Variants in CKAP4 observed in about 807,000 individuals in gnomAD.
CKAP4 encodes cytoskeleton-associated protein 4.
In CKAP4, 20 loss-of-function variants were observed where a neutral mutation model predicts 24.4. The ratio of observed to expected loss-of-function variants is 0.82; its 90% CI spans 0.58 to 1.19. The LOEUF (loss-of-function observed/expected upper bound fraction) is 1.19, where lower values mean the gene tolerates loss of function less well. Ranked by LOEUF, CKAP4 falls within the 50% of genes most tolerant of loss-of-function variation. The pLI, the probability that CKAP4 is intolerant of heterozygous loss-of-function variation, is 0.00. For missense variants in CKAP4, 744 were observed against 765.3 expected, an observed-to-expected ratio of 0.97 and a Z score of 0.33; for synonymous variants, 378 against 351.7, an observed-to-expected ratio of 1.07 and a Z score of -0.84.
rs575354598 is a variant in CKAP4, at chr12:106,247,556, G to A, written c.296C>T (p.Ser99Phe). Reference protein sequence around the residue: ...AAAAAASSSASCSRRLGRALN... With the variant: ...AAAAAASSSAFCSRRLGRALN... ...CGCCCTGCCGAGCCTGCGCGAGCAG[G>A]ACGCCGAGGACGAGGCGGCGGCGGC... The change falls in exon 1 of 2, where the codon TCC (serine) becomes TTC (phenylalanine). Residue 99 changes from serine (S) to phenylalanine (F), a missense_variant. Transcript: ENST00000378026. This position sits in a 1 kb window ranked among gnomAD's most constrained non-coding sequence, Gnocchi z 4.5. 3 of 1,453,304 alleles carry A rather than the reference G, an allele frequency of 2.1e-6. No homozygotes were observed. Among genetic ancestry groups the A allele is most frequent in the South Asian group, 1.3e-5 (1 of 76,230 alleles). 90.0% of individuals were successfully genotyped at this position (1,453,304 alleles called of 1,614,324 possible).
chr12:106,239,854 C>T lies in CKAP4; in HGVS notation c.979G>A (p.Glu327Lys), dbSNP rs769777070. The T allele has an allele frequency of 8.1e-6, 13 of 1,613,976 alleles. No homozygotes were observed. The highest frequency in any genetic ancestry group is 6.6e-5 in the South Asian group (6 of 91,080). ...TGCTCCTGCTTGAGGCTCACCAGCT[C>T]GCGGACCTCGGTGTAGATGTCAGAC... is the stretch of plus-strand genomic sequence containing the variant. The part of the protein sequence containing the change: ...MESDIYTEVR[E>K]LVSLKQEQQA... Residue 327 changes from glutamate to lysine, a missense_variant, in exon 2 of 2, where the codon GAG becomes AAG. Transcript: ENST00000378026. The surrounding 1 kb of genome is among the most constrained non-coding windows in gnomAD (Gnocchi z 4.9).
chr12:106,241,331 CTTTTTT>C (rs34135868), intron 1 of CKAP4, among the ~76,000 whole-genome samples: 1 of 127,520 alleles, frequency 7.8e-6, no homozygotes. Context: ...GCCAGGGATT[CTTTTTT>C]TTTTTTTTTT....
At position 106,238,229 on chromosome 12, in the gene CKAP4, A is replaced by T. The variant is rs937205725; in HGVS notation, c.*795T>A. ...TATTCCACTGTAGACAGCTCTCCTC[A>T]CGAATTTTTTGAAAGAACCCAAGGA... On this transcript the variant is annotated 3_prime_UTR_variant, in exon 2 of 2. Coordinates refer to ENST00000378026, the MANE Select transcript of CKAP4 (RefSeq NM_006825.4). 6.6e-5 allele frequency: 10 copies of T among 152,398 alleles called. No individual in the cohort carries two copies. The highest frequency in any genetic ancestry group is 2.4e-4 in the African/African-American group (10 of 41,400). 9.4% of individuals were successfully genotyped at this position (152,398 alleles called of 1,614,324 possible).
chr12:106,238,963 C>T lies in CKAP4; in HGVS notation c.*61G>A. 1 of 1,568,472 alleles carries T rather than the reference C, an allele frequency of 6.4e-7. No homozygotes were observed. Among genetic ancestry groups the T allele is most frequent in the South Asian group, 1.2e-5 (1 of 84,212 alleles). On this transcript the variant is annotated 3_prime_UTR_variant, in exon 2 of 2. Transcript: ENST00000378026. ...GGGTAGGGGACACATGGGAAAAAAC[C>T]ACACATTTTTTGGTCATGAGAAATT...
At position 106,247,777 on chromosome 12, in the gene CKAP4, C is replaced by T; in HGVS notation, c.75G>A (p.Pro25=). Residue 25 remains proline, a synonymous_variant, in exon 1 of 2, where the codon CCG becomes CCA. Transcript: ENST00000378026. The surrounding 1 kb of genome is among the most constrained non-coding windows in gnomAD (Gnocchi z 4.5). Reference sequence around the variant, plus strand: ...TCGCCACGTCATCCGCGCCGCCCGACGGGTGGGCACCCTTCTCCGAGGGGC... The same window carrying T: ...TCGCCACGTCATCCGCGCCGCCCGATGGGTGGGCACCCTTCTCCGAGGGGC... ...AASPSEKGAH[P]SGGADDVAKK... 2 of 1,053,328 alleles carry T rather than the reference C, an allele frequency of 1.9e-6. No individual in the cohort carries two copies. The highest frequency in any genetic ancestry group is 2.3e-6 in the Non-Finnish European group (2 of 878,374). The allele number at this position is 1,053,328 out of a possible 1,614,324, so 65.2% of individuals were successfully genotyped here.
rs371266776 is a variant in CKAP4, at chr12:106,239,678, G to A, written c.1155C>T (p.His385=). 29 of 1,614,032 alleles carry A rather than the reference G, an allele frequency of 1.8e-5. No homozygotes were observed. Among genetic ancestry groups the A allele is most frequent in the Admixed American group, 1.0e-4 (6 of 60,008 alleles). The change falls in exon 2 of 2, where the codon CAC becomes CAT. Residue 385 remains histidine, a synonymous_variant. Coordinates refer to ENST00000378026, the MANE Select transcript of CKAP4 (RefSeq NM_006825.4). The surrounding 1 kb of genome is among the most constrained non-coding windows in gnomAD (Gnocchi z 4.9). ...TGAAGCCTCCGTCCTCCTTCGGCCC[G>A]TGGGAATCGGACTTCAGCTGGCGGA... ...EELRQLKSDS[H]GPKEDGGFRH...
intron 1 of CKAP4, among the ~76,000 whole-genome samples, chr12:106,241,259 G>C (rs1453581671): frequency 1.3e-5 from 2 of 151,728 alleles, no homozygotes; most frequent in African/African-American, 4.8e-5. Context: ...GGAAGGAAAG[G>C]AAAGGAACGC....
At chr12:106,241,555 G>A (rs912838487) in intron 1 of CKAP4, among the ~76,000 whole-genome samples, 19 of 151,984 alleles carry the variant, frequency 1.3e-4, no homozygotes, top group African/African-American at 3.9e-4. Flanking sequence ...GGATGGTCTC[G>A]ATCTCCTGAC....
In CKAP4 at chr12:106,240,316, C is replaced by T. The variant is rs752884457; in HGVS notation, c.517G>A (p.Glu173Lys). 1 of 1,613,632 alleles carries T rather than the reference C, an allele frequency of 6.2e-7. No individual in the cohort carries two copies. The highest frequency in any genetic ancestry group is 8.5e-7 in the Non-Finnish European group (1 of 1,179,680). Residue 173 changes from glutamate (E) to lysine (K), a missense_variant, in exon 2 of 2, where the codon GAG becomes AAG. Transcript: ENST00000378026. The stretch of plus-strand genomic sequence containing the variant: ...TGTTGGGAGCTTCTCAAGATGGACT[C>T]AAAAGTTCCAAATGTGGCTTGCAAA... ...QSLQATFGTF[E>K]SILRSSQHKQ...
Position 106,239,410 on chromosome 12 carries a change from G to A in CKAP4, c.1423C>T (p.Leu475=), listed in dbSNP as rs369391633. 1 of 1,599,804 alleles carries A rather than the reference G, an allele frequency of 6.3e-7. No individual in the cohort carries two copies. The highest frequency in any genetic ancestry group is 8.5e-7 in the Non-Finnish European group (1 of 1,177,852). Residue 475 remains leucine (L), a synonymous_variant, in exon 2 of 2, where the codon CTG becomes TTG. Transcript: ENST00000378026. This position sits in a 1 kb window ranked among gnomAD's most constrained non-coding sequence, Gnocchi z 4.9. ...TAGAGCACCAGCTGGGTCTCGCCCAGGCTCCTCACCGTGCTGGCCAGGCCA... is the reference window on the plus strand; with the variant it reads ...TAGAGCACCAGCTGGGTCTCGCCCAAGCTCCTCACCGTGCTGGCCAGGCCA... ...QDGLASTVRS[L]GETQLVLYGD...
Position 106,247,702 on chromosome 12 carries a change from G to A in CKAP4, c.150C>T (p.His50=). The change falls in exon 1 of 2, where the codon CAC becomes CAT. Residue 50 remains histidine, a synonymous_variant. Transcript: ENST00000378026. The surrounding 1 kb of genome is among the most constrained non-coding windows in gnomAD (Gnocchi z 4.5). ...PQQPPPPPAP[H]PQQHPQQHPQ... ...GGTGCTGCTGCGGGTGCTGCTGCGG[G>A]TGCGGCGCGGGCGGCGGCGGCGGCT... 1 of 1,026,350 alleles carries A rather than the reference G, an allele frequency of 9.7e-7. No individual in the cohort carries two copies. Among genetic ancestry groups the A allele is most frequent in the Non-Finnish European group, 1.1e-6 (1 of 871,488 alleles). 63.6% of individuals were successfully genotyped at this position (1,026,350 alleles called of 1,614,324 possible).
At position 106,239,779 on chromosome 12, in the gene CKAP4, G is replaced by A. The variant is rs150919623; in HGVS notation, c.1054C>T (p.Leu352Phe). 66 of 1,613,846 alleles carry A rather than the reference G, an allele frequency of 4.1e-5. No homozygotes were observed. The highest frequency in any genetic ancestry group is 5.3e-5 in the Non-Finnish European group (62 of 1,180,004). Residue 352 changes from leucine (L) to phenylalanine (F), a missense_variant, in exon 2 of 2, where the codon CTC becomes TTC. Coordinates refer to ENST00000378026, the MANE Select transcript of CKAP4 (RefSeq NM_006825.4). The surrounding 1 kb of genome is among the most constrained non-coding windows in gnomAD (Gnocchi z 4.9). ...TCAGACCTGAGAAGCTTCTCCGTGA[G>A]GGCCTGCAGGGCGAGCCGCTCCGTG... Reference protein sequence around the residue: ...ADTERLALQALTEKLLRSEES... With the variant: ...ADTERLALQAFTEKLLRSEES...
intron 1 of CKAP4, among the ~76,000 whole-genome samples, chr12:106,241,931 G>A (rs949169375): frequency 3.3e-5 from 5 of 151,368 alleles, no homozygotes; most frequent in Admixed American, 6.6e-5. Context: ...GAAGAGTGCC[G>A]ATGGAATGAA....
chr12:106,247,728 G>C lies in CKAP4; in HGVS notation c.124C>G (p.Gln42Glu). 1 of 1,042,988 alleles carries C rather than the reference G, an allele frequency of 9.6e-7. No individual in the cohort carries two copies. The highest frequency in any genetic ancestry group is 1.1e-6 in the Non-Finnish European group (1 of 874,052). 64.6% of individuals were successfully genotyped at this position (1,042,988 alleles called of 1,614,324 possible). A position where few individuals can be genotyped will look rare whatever the true frequency, so the allele number is the denominator to read the frequency against. The change falls in exon 1 of 2, where the codon CAG becomes GAG. Residue 42 changes from glutamine to glutamate, a missense_variant. Coordinates refer to ENST00000378026, the MANE Select transcript of CKAP4 (RefSeq NM_006825.4). The surrounding 1 kb of genome is among the most constrained non-coding windows in gnomAD (Gnocchi z 4.5). ...VAKKPPPAPQ[Q>E]PPPPPAPHPQ... ...TGCGGCGCGGGCGGCGGCGGCGGCT[G>C]CTGCGGCGCCGGCGGCGGCTTCTTC...
chr12:106,243,245 G>C (rs2033981924), intron 1 of CKAP4, among the ~76,000 whole-genome samples: 1 of 152,152 alleles, frequency 6.6e-6, no homozygotes, highest in Non-Finnish European at 1.5e-5. Flanking sequence ...TCATGAGTTG[G>C]TATCTCCCAG....
At position 106,243,487 on chromosome 12, in the gene CKAP4, C is replaced by T. The variant is rs180875085; in HGVS notation, c.484-3138G>A. Among the ~76,000 whole-genome samples, 331 of 152,302 alleles carry T rather than the reference C, an allele frequency of 2.2e-3. 4 individuals carry two copies. Among genetic ancestry groups the T allele is most frequent in the Non-Finnish European group, 8.4e-4 (57 of 68,024 alleles). ...AACAAAGAAATATGACCAGGGAGCT[C>T]ACTCTTCCACAAATAGGTCCTAGTC... On this transcript the variant is annotated intron_variant, in intron 1 of 1. Coordinates refer to ENST00000378026, the MANE Select transcript of CKAP4 (RefSeq NM_006825.4).
rs141271108 is a variant in CKAP4, at chr12:106,244,169, A to T, written c.483+3200T>A. Among the ~76,000 whole-genome samples, 123 of 152,308 alleles carry T rather than the reference A, an allele frequency of 8.1e-4. No individual in the cohort carries two copies. The Middle Eastern group carries it at 0.01, about 13-fold the overall frequency. On this transcript the variant is annotated intron_variant, in intron 1 of 1. Transcript: ENST00000378026. ...CTAACACTGTTCTGGCCATGTTCTGAGTCTCAAGTCAATGGAACATTTATT... is the reference window on the plus strand; with the variant it reads ...CTAACACTGTTCTGGCCATGTTCTGTGTCTCAAGTCAATGGAACATTTATT...
At chr12:106,243,685 CCT>C (rs1275819830) in intron 1 of CKAP4, among the ~76,000 whole-genome samples, 10 of 152,212 alleles carry the variant, frequency 6.6e-5, no homozygotes, top group African/African-American at 2.4e-4. Context: ...GACAGGCCTG[CCT>C]CTCTGCCTGT....
At position 106,247,080 on chromosome 12, in the gene CKAP4, G is replaced by A. The variant is rs1592899144; in HGVS notation, c.483+289C>T. On this transcript the variant is annotated intron_variant, in intron 1 of 1. Transcript: ENST00000378026. The surrounding 1 kb of genome is among the most constrained non-coding windows in gnomAD (Gnocchi z 4.5). ...AGGTCACCGCTAATGCCCTGTGACA[G>A]GCCCTTGGCCCACCCTGCCAGGCGG... The A allele has an allele frequency of 1.9e-5, 7 of 372,356 alleles. No individual in the cohort carries two copies. In the East Asian group the frequency reaches 3.3e-4, roughly 17 times the overall value. The allele number at this position is 372,356 out of a possible 1,614,324, so 23.1% of individuals were successfully genotyped here.
Sources: gnomAD v4.1 joint callset for allele counts (sites outside exome capture counted in the v4.1 genomes callset) on GRCh38, gnomAD v4.1.1 for gene constraint, Gnocchi (gnomAD v3.1) non-coding constraint, MANE v1.5 for transcripts, NCBI Gene and HGNC (gene_info 2026-07-23, HGNC 2026-07-21) for gene names.